Variants in PLXNA2 observed in about 807,000 individuals in gnomAD.
The protein encoded by PLXNA2 is plexin-A2.
In PLXNA2, 91 loss-of-function variants were observed where a neutral mutation model predicts 193.5. That is an observed-to-expected ratio of 0.47 (90% CI 0.40 to 0.56). The LOEUF is 0.56. PLXNA2 is among the 20% of genes least tolerant of loss of function. The pLI is 0.00. For synonymous variants in PLXNA2, 997 were observed against 1,027.3 expected (o/e 0.97, Z 0.56); for missense variants, 1,995 against 2,503.2 (o/e 0.80, Z 4.33).
At chr1:208,221,381 G>GTTTTTTTTTTTTTTTTTTTTTTTTTTTTT in intron 1 of PLXNA2, among the ~76,000 whole-genome samples, 1 of 58,080 alleles carries the variant, frequency 1.7e-5, no homozygotes, top group Non-Finnish European at 3.1e-5. Context: ...TTCTTTTTCT[G>GTTTTTTTTTTTTTTTTTTTTTTTTTTTTT]TTTTTTTTTT....
At chr1:208,035,395 C>T (rs919020252) in intron 26 of PLXNA2, among the ~76,000 whole-genome samples, 1 of 152,150 alleles carries the variant, frequency 6.6e-6, no homozygotes, top group Non-Finnish European at 1.5e-5. Flanking sequence ...TCCTATAATG[C>T]CTGGATCACT....
chr1:208,174,824 G>A lies in PLXNA2; in HGVS notation c.1372-32361C>T, dbSNP rs79101379. 1.6e-4 allele frequency among the ~76,000 whole-genome samples: 24 copies of A among 152,250 alleles called. 2 individuals carry two copies. In the East Asian group the frequency reaches 3.9e-3, roughly 25 times the overall value. On this transcript the variant is annotated intron_variant, in intron 3 of 31. Transcript: ENST00000367033. ...CCCACCTGTATATCCTCAAGTTCAC[G>A]ACTGCAAAGTGACAACAGTGGTGGA...
chr1:208,115,004 C>T (rs1667594637), intron 4 of PLXNA2, among the ~76,000 whole-genome samples: 1 of 152,164 alleles, frequency 6.6e-6, no homozygotes, highest in Non-Finnish European at 1.5e-5. Flanking sequence ...TTATTCATTC[C>T]TGCCATTCAT....
intron 13 of PLXNA2, among the ~76,000 whole-genome samples, chr1:208,055,034 G>A (rs910731924): frequency 6.6e-6 from 1 of 152,208 alleles, no homozygotes; most frequent in Non-Finnish European, 1.5e-5. Flanking sequence ...TTTAAAAAGG[G>A]GAGAGATAAT....
At chr1:208,058,953 G>A (rs1401663195) in intron 13 of PLXNA2, among the ~76,000 whole-genome samples, 1 of 152,184 alleles carries the variant, frequency 6.6e-6, no homozygotes, top group Non-Finnish European at 1.5e-5. Context: ...AACCTCATGT[G>A]ATTCTGAGGG....
intron 20 of PLXNA2, among the ~76,000 whole-genome samples, chr1:208,043,897 G>A (rs1416014449): frequency 1.3e-5 from 2 of 152,226 alleles, no homozygotes; most frequent in South Asian, 2.1e-4. Flanking sequence ...CAGAGAGCCT[G>A]CCAGGTCCTC....
chr1:208,086,011 A>C (rs1666506974), intron 9 of PLXNA2, among the ~76,000 whole-genome samples: 1 of 152,008 alleles, frequency 6.6e-6, no homozygotes, highest in South Asian at 2.1e-4. Flanking sequence ...TTACCTCTTA[A>C]TCAGCCTTCA....
At chr1:208,117,103 G>A (rs971261435) in intron 4 of PLXNA2, among the ~76,000 whole-genome samples, 6 of 152,122 alleles carry the variant, frequency 3.9e-5, no homozygotes, top group Non-Finnish European at 2.9e-5. Context: ...CCTGGGAGGT[G>A]GAGGTTGCAG....
intron 3 of PLXNA2, among the ~76,000 whole-genome samples, chr1:208,193,163 A>G (rs996746156): frequency 1.3e-5 from 2 of 152,214 alleles, no homozygotes; most frequent in Non-Finnish European, 2.9e-5. Context: ...AGCACAGTGA[A>G]TGATGAAACC....
intron 4 of PLXNA2, among the ~76,000 whole-genome samples, chr1:208,131,855 G>A (rs1205245538): frequency 6.6e-6 from 1 of 152,150 alleles, no homozygotes; most frequent in Non-Finnish European, 1.5e-5. Flanking sequence ...CTAGGGGAGG[G>A]CGAGCAGTCC....
intron 12 of PLXNA2, among the ~76,000 whole-genome samples, chr1:208,069,257 C>G (rs1316496061): frequency 2.0e-5 from 3 of 152,186 alleles, no homozygotes; most frequent in Admixed American, 6.5e-5. Flanking sequence ...CCAGGAACTT[C>G]TGGTTTAGGG....
intron 21 of PLXNA2, 126 bp downstream of exon 21, chr1:208,042,935 G>T: frequency 1.1e-6 from 1 of 916,442 alleles, no homozygotes; most frequent in Non-Finnish European, 1.6e-6. Flanking sequence ...CTGAGATGCT[G>T]TTACAAACTA....
At chr1:208,075,441 G>T (rs1235122172) in intron 12 of PLXNA2, among the ~76,000 whole-genome samples, 1 of 152,190 alleles carries the variant, frequency 6.6e-6, no homozygotes, top group Non-Finnish European at 1.5e-5. Context: ...GGTACATGAG[G>T]TTGATTTTTC....
chr1:208,175,413 C>T (rs995712524), intron 3 of PLXNA2, among the ~76,000 whole-genome samples: 1 of 152,172 alleles, frequency 6.6e-6, no homozygotes, highest in Non-Finnish European at 1.5e-5. Flanking sequence ...CTTGTTCCCC[C>T]ACTGTATCCC....
intron 12 of PLXNA2, among the ~76,000 whole-genome samples, chr1:208,064,127 A>C (rs940232675): frequency 2.6e-5 from 4 of 152,130 alleles, no homozygotes; most frequent in Admixed American, 2.0e-4. Context: ...ATCTACCACA[A>C]ATAATAAAGA....
At chr1:208,085,427 C>T (rs1163602742) in intron 9 of PLXNA2, among the ~76,000 whole-genome samples, 2 of 152,206 alleles carry the variant, frequency 1.3e-5, no homozygotes, top group African/African-American at 2.4e-5. Flanking sequence ...CTGTCCCCTT[C>T]TCCTGGGCAG....
At chr1:208,094,013 CATA>C (rs1486643069) in intron 8 of PLXNA2, among the ~76,000 whole-genome samples, 1 of 152,158 alleles carries the variant, frequency 6.6e-6, no homozygotes, top group African/African-American at 2.4e-5. Flanking sequence ...GCTCACAGGC[CATA>C]GTATGTTGGG....
chr1:208,145,412 A>C (rs1278940742), intron 3 of PLXNA2, among the ~76,000 whole-genome samples: 1 of 152,218 alleles, frequency 6.6e-6, no homozygotes, highest in Non-Finnish European at 1.5e-5. Flanking sequence ...CTCCTGCCCC[A>C]GAAGGCCAGT....
chr1:208,107,883 G>T (rs1469183071), intron 4 of PLXNA2, among the ~76,000 whole-genome samples: 1 of 152,022 alleles, frequency 6.6e-6, no homozygotes, highest in East Asian at 1.9e-4. Flanking sequence ...CCGCAGTGCT[G>T]CTTCAAACTG....
Sources: allele counts gnomAD v4.1 joint callset (sites outside exome capture counted in the v4.1 genomes callset), GRCh38; gene constraint gnomAD v4.1.1; transcripts MANE v1.5; gene names NCBI Gene and HGNC (gene_info 2026-07-23, HGNC 2026-07-21).